CLN6: variants seen among roughly 807,000 people sequenced by gnomAD.
CLN6 encodes the protein ceroid-lipofuscinosis neuronal protein 6.
A neutral mutation model predicts 33.3 loss-of-function variants in CLN6; 22 were observed. That is an observed-to-expected ratio of 0.66 (90% CI 0.47 to 0.94). The LOEUF is 0.94. Ranked by LOEUF, CLN6 falls within the 40% of genes least tolerant of loss-of-function variation. CLN6 has a pLI of 0.00. For missense variants in CLN6, 387 were observed against 417.1 expected, an observed-to-expected ratio of 0.93 and a Z score of 0.63; for synonymous variants, 201 against 174.6, an observed-to-expected ratio of 1.15 and a Z score of -1.19.
At chr15:68,249,517 TG>T (rs1303406963) in intron 1 of CLN6, among the ~76,000 whole-genome samples, 6 of 152,190 alleles carry the variant, frequency 3.9e-5, no homozygotes, top group Non-Finnish European at 8.8e-5. Context: ...ACTCTGTCAT[TG>T]TAGCAACATA....
chr15:68,211,120 G>T lies in CLN6; in HGVS notation c.542+143C>A. ...CGGGGACAACTTCACTGGAGGTTGA[G>T]CTCACAGTGCCTTTACAGGGGATGA... On this transcript the variant is annotated intron_variant, in intron 5 of 6. Coordinates refer to ENST00000249806, the MANE Select transcript of CLN6 (RefSeq NM_017882.3). The surrounding 1 kb of genome is among the most constrained non-coding windows in gnomAD (Gnocchi z 5.9). 1 of 786,390 alleles carries T rather than the reference G, an allele frequency of 1.3e-6. No individual in the cohort carries two copies. Among genetic ancestry groups the T allele is most frequent in the Non-Finnish European group, 2.3e-6 (1 of 440,408 alleles). The allele number at this position is 786,390 out of a possible 1,614,324, so 48.7% of individuals were successfully genotyped here.
At position 68,208,030 on chromosome 15, in the gene CLN6, A is replaced by G; in HGVS notation, c.*110T>C. 1 of 1,208,174 alleles carries G rather than the reference A, an allele frequency of 8.3e-7. No homozygotes were observed. Among genetic ancestry groups the G allele is most frequent in the Non-Finnish European group, 1.2e-6 (1 of 846,754 alleles). 74.8% of individuals were successfully genotyped at this position (1,208,174 alleles called of 1,614,324 possible). On this transcript the variant is annotated 3_prime_UTR_variant, in exon 7 of 7. Transcript: ENST00000249806. The surrounding 1 kb of genome is among the most constrained non-coding windows in gnomAD (Gnocchi z 5.8). The stretch of plus-strand genomic sequence containing the variant: ...CACGCACACGAGGCACACCCCACTC[A>G]TGCTCTCGGTCTCTGGTTACACACC...
Position 68,236,884 on chromosome 15 carries a change from G to A in CLN6, c.180-18234C>T, listed in dbSNP as rs542302367. 1.6e-3 allele frequency among the ~76,000 whole-genome samples: 245 copies of A among 151,836 alleles called. No homozygotes were observed. Among genetic ancestry groups the A allele is most frequent in the African/African-American group, 5.0e-3 (206 of 41,370 alleles). ...TAAAACTGAATGGAGGCGGCCGGGC[G>A]CGGTGGCTCACGCCTGTAATCCCAG... On this transcript the variant is annotated intron_variant, in intron 1 of 6. Transcript: ENST00000538696. The surrounding 1 kb of genome is among the most constrained non-coding windows in gnomAD (Gnocchi z 4.5).
chr15:68,224,305 T>C (rs1595824565), intron 1 of CLN6, among the ~76,000 whole-genome samples: 1 of 112,770 alleles, frequency 8.9e-6, no homozygotes, highest in East Asian at 2.7e-4. Flanking sequence ...GCACACAGAG[T>C]GGACACTCAG....
At chr15:68,229,384 C>G (rs1325071669) in intron 1 of CLN6, 118 bp downstream of exon 1, 6 of 766,146 alleles carry the variant, frequency 7.8e-6, no homozygotes, top group Non-Finnish European at 1.1e-5. Flanking sequence ...TCCGCTCCGC[C>G]CCGGCCAGCG....
chr15:68,240,139 T>A (rs1892267929), intron 1 of CLN6, among the ~76,000 whole-genome samples: 1 of 152,170 alleles, frequency 6.6e-6, no homozygotes, highest in Non-Finnish European at 1.5e-5. Flanking sequence ...TTTAGCTGCT[T>A]TCATTAGAAA....
In CLN6 at chr15:68,241,719, A is replaced by G. The variant is rs1200078148; in HGVS notation, c.179+14971T>C. On this transcript the variant is annotated intron_variant, in intron 1 of 6. Coordinates refer to the CLN6 transcript ENST00000538696. This position sits in a 1 kb window ranked among gnomAD's most constrained non-coding sequence, Gnocchi z 4.2. ...GCTGTTAGCAGCACCACACTGTAGC[A>G]GCTGCATTCCACAGGTCTCCTGGGC... Among the ~76,000 whole-genome samples, 1 of 152,174 alleles carries G rather than the reference A, an allele frequency of 6.6e-6. No homozygotes were observed. The highest frequency in any genetic ancestry group is 2.4e-5 in the African/African-American group (1 of 41,452).
At chr15:68,232,834 G>A (rs999885834), upstream of CLN6, among the ~76,000 whole-genome samples, 1 of 152,152 alleles carries the variant, frequency 6.6e-6, no homozygotes, top group Admixed American at 6.5e-5. This position sits in a 1 kb window ranked among gnomAD's most constrained non-coding sequence, Gnocchi z 4.7. Context: ...GTGAGGTCAG[G>A]AGTTCAAGAC....
rs144808715 is a variant in CLN6, at chr15:68,211,894, C to T, written c.298-31G>A. On this transcript the variant is annotated intron_variant, in intron 3 of 6. Coordinates refer to ENST00000249806, the MANE Select transcript of CLN6 (RefSeq NM_017882.3). This position sits in a 1 kb window ranked among gnomAD's most constrained non-coding sequence, Gnocchi z 5.9. ...GTTCAGAGTGGGGTTGGCAGCATGACCCCACCTCTGTCACAGTATGTGACA... is the reference window on the plus strand; with the variant it reads ...GTTCAGAGTGGGGTTGGCAGCATGATCCCACCTCTGTCACAGTATGTGACA... 104 of 1,608,486 alleles carry T rather than the reference C, an allele frequency of 6.5e-5. No homozygotes were observed. The highest frequency in any genetic ancestry group is 3.7e-4 in the Middle Eastern group (2 of 5,338).
rs1164436999 is a variant in CLN6, at chr15:68,247,494, A to C, written c.179+9196T>G. Among the ~76,000 whole-genome samples, 1 of 152,170 alleles carries C rather than the reference A, an allele frequency of 6.6e-6. No individual in the cohort carries two copies. The highest frequency in any genetic ancestry group is 1.5e-5 in the Non-Finnish European group (1 of 68,044). On this transcript the variant is annotated intron_variant, in intron 1 of 6. Coordinates refer to the CLN6 transcript ENST00000538696. The surrounding 1 kb of genome is among the most constrained non-coding windows in gnomAD (Gnocchi z 4.2). Reference sequence around the variant, plus strand: ...GAAGAGGAGAAAGATCTCTTCAAGGAAAACTACAAAGCACTGAAGAAATAA... The same window carrying C: ...GAAGAGGAGAAAGATCTCTTCAAGGCAAACTACAAAGCACTGAAGAAATAA...
At chr15:68,226,787 G>A (rs994040378) in intron 1 of CLN6, among the ~76,000 whole-genome samples, 15 of 152,062 alleles carry the variant, frequency 9.9e-5, no homozygotes, top group Middle Eastern at 6.8e-3. Context: ...CTCAAGGGTC[G>A]TGGTTTAATT....
rs372419034 is a variant in CLN6, at chr15:68,209,836, G to C, written c.543-77C>G. 15 of 1,590,564 alleles carry C rather than the reference G, an allele frequency of 9.4e-6. No individual in the cohort carries two copies. In the East Asian group the frequency reaches 1.4e-4, roughly 14 times the overall value. On this transcript the variant is annotated intron_variant, in intron 5 of 6. Transcript: ENST00000249806. This position sits in a 1 kb window ranked among gnomAD's most constrained non-coding sequence, Gnocchi z 4.9. ...CACAACCTCTGCAACCACTCCCATG[G>C]GGTCTCATGGAGTGCCACGTCACAG...
At chr15:68,245,240 T>C (rs1426083847) in intron 1 of CLN6, among the ~76,000 whole-genome samples, 2 of 148,580 alleles carry the variant, frequency 1.3e-5, no homozygotes, top group Non-Finnish European at 2.9e-5. Context: ...ATGGTAACCA[T>C]AATGTTAAAA....
At chr15:68,224,202 G>A (rs571766527) in intron 1 of CLN6, among the ~76,000 whole-genome samples, 38 of 147,462 alleles carry the variant, frequency 2.6e-4, no homozygotes, top group African/African-American at 9.0e-4. Context: ...GGAGGTCAAG[G>A]CTGCAGTGAG....
intron 1 of CLN6, among the ~76,000 whole-genome samples, chr15:68,250,153 C>T (rs1217269276): frequency 6.6e-6 from 1 of 152,138 alleles, no homozygotes; most frequent in Non-Finnish European, 1.5e-5. Context: ...AAGGTGACAG[C>T]TATCCCAATG....
intron 1 of CLN6, among the ~76,000 whole-genome samples, chr15:68,250,754 C>T (rs771698428): frequency 3.9e-5 from 6 of 151,984 alleles, no homozygotes; most frequent in South Asian, 2.1e-4. Flanking sequence ...AAAACACTCA[C>T]GTTAGCCTAC....
At chr15:68,216,717 G>C (rs1233106908) in intron 2 of CLN6, among the ~76,000 whole-genome samples, 2 of 152,206 alleles carry the variant, frequency 1.3e-5, no homozygotes, top group African/African-American at 4.8e-5. Flanking sequence ...GGACACGCAA[G>C]TCACTTCTAA....
At position 68,220,792 on chromosome 15, in the gene CLN6, A is replaced by G. The variant is rs549901433; in HGVS notation, c.84-2142T>C. 1.1e-4 allele frequency among the ~76,000 whole-genome samples: 17 copies of G among 152,212 alleles called. No homozygotes were observed. The highest frequency in any genetic ancestry group is 1.8e-4 in the Non-Finnish European group (12 of 68,030). On this transcript the variant is annotated intron_variant, in intron 1 of 6. Transcript: ENST00000249806. The surrounding 1 kb of genome is among the most constrained non-coding windows in gnomAD (Gnocchi z 4.2). ...ACACACACAATTCAAACCTGGGTTT[A>G]TGTTAATTCAAGACCTGTGCTCTTA...
rs1210676863 is a variant in CLN6, at chr15:68,229,602, C to A, written c.-18G>T. 1.4e-6 allele frequency: 2 copies of A among 1,454,618 alleles called. No homozygotes were observed. Among genetic ancestry groups the A allele is most frequent in the Non-Finnish European group, 1.8e-6 (2 of 1,106,460 alleles). 90.1% of individuals were successfully genotyped at this position (1,454,618 alleles called of 1,614,324 possible). A position where few individuals can be genotyped will look rare whatever the true frequency, so the allele number is the denominator to read the frequency against. On this transcript the variant is annotated 5_prime_UTR_variant, in exon 1 of 7. It adds an upstream start codon to the 5' untranslated region. Coordinates refer to ENST00000249806, the MANE Select transcript of CLN6 (RefSeq NM_017882.3). Reference sequence around the variant, plus strand: ...GCCTCCATGGCTGCCCCGCAGGCCCCTCGGCCCTGCCTTTCCGAGGAAGAG... The same window carrying A: ...GCCTCCATGGCTGCCCCGCAGGCCCATCGGCCCTGCCTTTCCGAGGAAGAG...
Sources: allele counts gnomAD v4.1 joint callset (sites outside exome capture counted in the v4.1 genomes callset), GRCh38; gene constraint gnomAD v4.1.1; non-coding constraint Gnocchi (gnomAD v3.1); transcripts MANE v1.5; gene names NCBI Gene and HGNC (gene_info 2026-07-23, HGNC 2026-07-21).